The following PTPRT variants were observed in gnomAD, a reference collection of about 807,000 sequenced individuals.
PTPRT encodes the protein receptor-type tyrosine-protein phosphatase T.
Under a neutral mutation model 176.8 loss-of-function variants are expected in PTPRT, and 56 were observed. The ratio of observed to expected loss-of-function variants is 0.32; its 90% CI spans 0.26 to 0.40. The LOEUF (loss-of-function observed/expected upper bound fraction) is 0.40. Ranked by LOEUF, PTPRT falls within the 10% of genes least tolerant of loss-of-function variation. The pLI is 1.00. For synonymous variants in PTPRT, 783 were observed against 739.0 expected, an observed-to-expected ratio of 1.06 and a Z score of -0.96; for missense variants, 1,540 against 1,908.2, an observed-to-expected ratio of 0.81 and a Z score of 3.60.
chr20:42,042,900 A>C, the PTPRT span, among the ~76,000 whole-genome samples: 2 of 152,236 alleles, frequency 1.3e-5, no homozygotes, highest in Non-Finnish European at 2.9e-5. Flanking sequence ...ACCCCAACAC[A>C]GCTGTAGCTG....
chr20:43,032,944 T>G (rs913767559), intron 1 of PTPRT, among the ~76,000 whole-genome samples: 8 of 152,190 alleles, frequency 5.3e-5, no homozygotes, highest in Non-Finnish European at 1.0e-4. Flanking sequence ...CTGGTCCAAA[T>G]TTCCATCTAT....
rs62204860 is a variant in PTPRT, at chr20:42,465,802, T to G, written c.1450+6464A>C. Among the ~76,000 whole-genome samples the G allele has an allele frequency of 8.5e-3, 1,294 of 152,322 alleles. 11 individuals carry two copies. The highest frequency in any genetic ancestry group is 0.014 in the Middle Eastern group (4 of 294). On this transcript the variant is annotated intron_variant, in intron 8 of 30. Transcript: ENST00000373187. ...ATTTAATTTAAAGTTCTGAGATACA[T>G]GAGCAGGAACTGCAGGTTTGTTACA...
intron 9 of PTPRT, among the ~76,000 whole-genome samples, chr20:42,360,430 C>T (rs1002220596): frequency 5.3e-5 from 8 of 152,308 alleles, no homozygotes; most frequent in South Asian, 4.1e-4. Flanking sequence ...TCAACTCAGA[C>T]GGCTCTAAGC....
At chr20:42,569,112 A>ATATATAT (rs1344948586) in intron 7 of PTPRT, among the ~76,000 whole-genome samples, 13 of 113,984 alleles carry the variant, frequency 1.1e-4, no homozygotes, top group African/African-American at 1.6e-4. Flanking sequence ...ATATATATAT[A>ATATATAT]ATTTCAACTT....
At chr20:43,134,133 C>T (rs1406425131) in intron 1 of PTPRT, among the ~76,000 whole-genome samples, 1 of 152,128 alleles carries the variant, frequency 6.6e-6, no homozygotes, top group African/African-American at 2.4e-5. Flanking sequence ...TATGGGAAAT[C>T]TACAGAACAA....
At chr20:42,265,506 C>A (rs929600076) in intron 13 of PTPRT, among the ~76,000 whole-genome samples, 1 of 152,140 alleles carries the variant, frequency 6.6e-6, no homozygotes, top group African/African-American at 2.4e-5. Flanking sequence ...TTCTTTTCAT[C>A]GTCTTATTGG....
intron 7 of PTPRT, among the ~76,000 whole-genome samples, chr20:42,514,260 C>T (rs1244301661): frequency 6.6e-6 from 1 of 152,222 alleles, no homozygotes; most frequent in Non-Finnish European, 1.5e-5. Flanking sequence ...CACCCTCCTG[C>T]TCCCCATCCT....
chr20:42,843,934 T>C (rs2078324098), intron 2 of PTPRT, among the ~76,000 whole-genome samples: 1 of 152,202 alleles, frequency 6.6e-6, no homozygotes, highest in Non-Finnish European at 1.5e-5. Flanking sequence ...ATGGAAAATC[T>C]CAGAAACTTG....
At chr20:42,226,682 T>C (rs1335380595) in intron 15 of PTPRT, among the ~76,000 whole-genome samples, 3 of 152,164 alleles carry the variant, frequency 2.0e-5, no homozygotes, top group Non-Finnish European at 2.9e-5. Context: ...TTGCTGAAGG[T>C]AGTGCTTTCG....
At chr20:42,878,099 C>T (rs1056986285) in intron 2 of PTPRT, among the ~76,000 whole-genome samples, 4 of 152,112 alleles carry the variant, frequency 2.6e-5, no homozygotes, top group African/African-American at 9.7e-5. Context: ...CATATGAAAA[C>T]AAATTCGATA....
intron 8 of PTPRT, among the ~76,000 whole-genome samples, chr20:42,470,817 G>A (rs2071180929): frequency 4.6e-5 from 7 of 151,854 alleles, no homozygotes; most frequent in Admixed American, 4.6e-4. Context: ...AGGACAGAGA[G>A]GCAGGAAAAG....
At position 42,463,959 on chromosome 20, in the gene PTPRT, T is replaced by G. The variant is rs62203555; in HGVS notation, c.1450+8307A>C. On this transcript the variant is annotated intron_variant, in intron 8 of 30. Transcript: ENST00000373187. Reference sequence around the variant, plus strand: ...TAGCCTTTTAATTGAACTATACAGTTGTATGCTACTAAATGTTTCACAACC... The same window carrying G: ...TAGCCTTTTAATTGAACTATACAGTGGTATGCTACTAAATGTTTCACAACC... 8.1e-3 allele frequency among the ~76,000 whole-genome samples: 1,238 copies of G among 152,316 alleles called. 11 individuals are homozygous for G. Among genetic ancestry groups the G allele is most frequent in the Middle Eastern group, 0.014 (4 of 294 alleles).
chr20:42,396,569 C>A (rs1440678099), intron 9 of PTPRT, among the ~76,000 whole-genome samples: 1 of 152,162 alleles, frequency 6.6e-6, no homozygotes, highest in Non-Finnish European at 1.5e-5. Context: ...TTTGCACTTT[C>A]TTTTTTGTTT....
At chr20:42,805,701 G>A (rs1284379560) in intron 2 of PTPRT, among the ~76,000 whole-genome samples, 3 of 152,084 alleles carry the variant, frequency 2.0e-5, no homozygotes, top group South Asian at 2.1e-4. Flanking sequence ...CTCATCTTTC[G>A]AGGCTCTGAA....
At position 42,681,843 on chromosome 20, in the gene PTPRT, G is replaced by A. The variant is rs577149235; in HGVS notation, c.860-3684C>T. On this transcript the variant is annotated intron_variant, in intron 6 of 30. Coordinates refer to ENST00000373187, the MANE Select transcript of PTPRT (RefSeq NM_007050.6). ...GGGATACACATATACACAATGGAAC[G>A]CTGCTCAGCAAGAAATGAACAAGCT... Among the ~76,000 whole-genome samples, 17 of 152,304 alleles carry A rather than the reference G, an allele frequency of 1.1e-4. 1 individual carries two copies. Among genetic ancestry groups the A allele is most frequent in the Middle Eastern group, 3.4e-3 (1 of 294 alleles).
chr20:42,990,829 C>T (rs973192186), intron 1 of PTPRT, among the ~76,000 whole-genome samples: 2 of 152,068 alleles, frequency 1.3e-5, no homozygotes, highest in African/African-American at 4.8e-5. Flanking sequence ...TCATTACTCA[C>T]CTTAATGAAA....
intron 3 of PTPRT, among the ~76,000 whole-genome samples, chr20:42,787,168 G>A (rs894505289): frequency 6.6e-6 from 1 of 152,138 alleles, no homozygotes; most frequent in African/African-American, 2.4e-5. Flanking sequence ...ACAAAATGAG[G>A]ATAAACCTAA....
At chr20:42,147,719 G>A (rs2146442752) in intron 17 of PTPRT, among the ~76,000 whole-genome samples, 1 of 152,276 alleles carries the variant, frequency 6.6e-6, no homozygotes, top group South Asian at 2.1e-4. Context: ...CAGTTCGTGG[G>A]AAACCACACA....
chr20:42,879,736 TGTGTGTGTGTGTGTGTGTGTGCGC>T (rs1308204339), intron 2 of PTPRT, among the ~76,000 whole-genome samples: 1 of 73,644 alleles, frequency 1.4e-5, no homozygotes, highest in Non-Finnish European at 2.7e-5. Flanking sequence ...GGGTGAAATG[TGTGTGTGTGTGTGTGTGTGTGCGC>T]GTGTGTGTGT....
Sources: gnomAD v4.1 joint callset for allele counts (sites outside exome capture counted in the v4.1 genomes callset) on GRCh38, gnomAD v4.1.1 for gene constraint, MANE v1.5 for transcripts, NCBI Gene and HGNC (gene_info 2026-07-23, HGNC 2026-07-21) for gene names.